Variants in CRACD observed in about 807,000 individuals in gnomAD.
CRACD encodes the protein capping protein-inhibiting regulator of actin dynamics.
Under a neutral mutation model 106.8 loss-of-function variants are expected in CRACD, and 56 were observed. The observed-to-expected ratio is 0.52, with a 90% CI of 0.42 to 0.66. The LOEUF (loss-of-function observed/expected upper bound fraction) is 0.66, where lower values mean the gene tolerates loss of function less well. Ranked by LOEUF, CRACD falls within the 30% of genes least tolerant of loss-of-function variation. The pLI is 0.00. For missense variants in CRACD, 1,730 were observed against 1,623.2 expected, an observed-to-expected ratio of 1.07 and a Z score of -1.13; for synonymous variants, 754 against 670.8, an observed-to-expected ratio of 1.12 and a Z score of -1.92.
intron 1 of CRACD, among the ~76,000 whole-genome samples, chr4:56,159,289 G>A (rs1286955560): frequency 2.0e-5 from 3 of 152,198 alleles, no homozygotes; most frequent in African/African-American, 7.2e-5. Context: ...GCGGGTCTCT[G>A]TAGTCAGCTA....
intron 1 of CRACD, among the ~76,000 whole-genome samples, chr4:56,165,247 A>C (rs1486200726): frequency 6.6e-6 from 1 of 152,188 alleles, no homozygotes; most frequent in African/African-American, 2.4e-5. Flanking sequence ...TAGTGGTTTA[A>C]AGAACATCCA....
chr4:56,192,440 A>C (rs1208145859), intron 2 of CRACD, among the ~76,000 whole-genome samples: 1 of 152,098 alleles, frequency 6.6e-6, no homozygotes, highest in African/African-American at 2.4e-5. Context: ...TTTAACTTTT[A>C]ACAATGTCAT....
At chr4:56,133,339 C>T (rs1734888824) in intron 1 of CRACD, among the ~76,000 whole-genome samples, 1 of 152,154 alleles carries the variant, frequency 6.6e-6, no homozygotes, top group African/African-American at 2.4e-5. Context: ...TTAACATTAT[C>T]TTCAAAGGAA....
chr4:56,190,548 A>AT (rs1337642402), intron 2 of CRACD, among the ~76,000 whole-genome samples: 1 of 152,092 alleles, frequency 6.6e-6, no homozygotes, highest in Non-Finnish European at 1.5e-5. Context: ...GTTAAATAAG[A>AT]TTTTTTCTTG....
intron 2 of CRACD, among the ~76,000 whole-genome samples, chr4:56,258,868 G>T (rs1030786892): frequency 6.6e-6 from 1 of 152,140 alleles, no homozygotes; most frequent in Non-Finnish European, 1.5e-5. Flanking sequence ...AATGGGCAAA[G>T]AATTTTAAGA....
chr4:56,316,102 A>G lies in CRACD; in HGVS notation c.2600A>G (p.Lys867Arg), dbSNP rs1374100113. 6 of 1,614,012 alleles carry G rather than the reference A, an allele frequency of 3.7e-6. No homozygotes were observed. The highest frequency in any genetic ancestry group is 5.1e-6 in the Non-Finnish European group (6 of 1,179,998). The change falls in exon 8 of 11, where the codon AAG (lysine) becomes AGG (arginine). Residue 867 changes from lysine (K) to arginine (R), a missense_variant. This residue lies in a region of CRACD where 1,620 missense variants were observed against 1,481.6 expected (regional missense o/e 1.09). Coordinates refer to ENST00000682029, the MANE Select transcript of CRACD (RefSeq NM_001393381.1). ...AACTGCGACCAACAGGCAGAACAGA[A>G]GAAGAAGAAGAGGCACAGCAGCACC... ...RFNCDQQAEQ[K>R]KKKRHSSTGD...
At chr4:56,116,263 A>G (rs1734272930) in intron 1 of CRACD, among the ~76,000 whole-genome samples, 1 of 152,214 alleles carries the variant, frequency 6.6e-6, no homozygotes, top group South Asian at 2.1e-4. Flanking sequence ...GGGAAAGGGA[A>G]CTTTCCTGAG....
chr4:56,141,992 C>T (rs1331446017), intron 1 of CRACD, among the ~76,000 whole-genome samples: 1 of 151,988 alleles, frequency 6.6e-6, no homozygotes, highest in African/African-American at 2.4e-5. Context: ...CTGCACCCAA[C>T]CGAATTTGCT....
At chr4:56,138,528 C>T (rs34650834) in intron 1 of CRACD, among the ~76,000 whole-genome samples, 3,527 of 152,056 alleles carry the variant, frequency 0.023, 60 homozygotes, top group Admixed American at 0.056. Flanking sequence ...GAGACCAAAT[C>T]TTGGGAGCAA....
intron 1 of CRACD, among the ~76,000 whole-genome samples, chr4:56,134,870 T>G (rs1734945509): frequency 6.6e-6 from 1 of 151,926 alleles, no homozygotes; most frequent in Non-Finnish European, 1.5e-5. Flanking sequence ...GAAGGCTGAT[T>G]GCCTGGAGAG....
chr4:56,313,644 G>T (rs1490801658), intron 7 of CRACD, among the ~76,000 whole-genome samples: 1 of 152,206 alleles, frequency 6.6e-6, no homozygotes, highest in Non-Finnish European at 1.5e-5. Context: ...TGGAAAAGTG[G>T]TTTAGCCAAT....
intron 1 of CRACD, among the ~76,000 whole-genome samples, chr4:56,147,171 T>C (rs1172574332): frequency 6.6e-6 from 1 of 152,110 alleles, no homozygotes; most frequent in East Asian, 1.9e-4. Context: ...TGTTTCAAAA[T>C]TGGCCCCTGG....
intron 1 of CRACD, among the ~76,000 whole-genome samples, chr4:56,122,878 A>G (rs1734536482): frequency 6.6e-6 from 1 of 152,204 alleles, no homozygotes; most frequent in Non-Finnish European, 1.5e-5. Context: ...AAATTGGTTC[A>G]CTAAAGGGCA....
chr4:56,175,747 G>A (rs962531812), intron 1 of CRACD, among the ~76,000 whole-genome samples: 32 of 152,184 alleles, frequency 2.1e-4, no homozygotes, highest in Non-Finnish European at 1.2e-4. Context: ...TTTTCTCTTC[G>A]TTTGTTGTTT....
At chr4:56,105,504 T>C (rs1311263108) in intron 1 of CRACD, among the ~76,000 whole-genome samples, 2 of 152,160 alleles carry the variant, frequency 1.3e-5, no homozygotes, top group African/African-American at 2.4e-5. Flanking sequence ...TATATAGATA[T>C]ACTAATCTGT....
At chr4:56,296,135 T>C (rs1049783860) in intron 3 of CRACD, among the ~76,000 whole-genome samples, 1 of 152,152 alleles carries the variant, frequency 6.6e-6, no homozygotes, top group Admixed American at 6.5e-5. Flanking sequence ...ATGGCAATAC[T>C]ATATGACCTT....
chr4:56,050,203 C>T (rs115618791), intron 1 of CRACD, among the ~76,000 whole-genome samples: 2,190 of 151,210 alleles, frequency 0.014, 57 homozygotes, highest in African/African-American at 0.049. Flanking sequence ...GTAAGTACGA[C>T]CATGTGTTGT....
At chr4:56,308,670 T>C in intron 5 of CRACD, 1 of 757,952 alleles carries the variant, frequency 1.3e-6, no homozygotes, top group Non-Finnish European at 1.6e-6. Context: ...AAAAAGGACA[T>C]TCCTCCCCTG....
intron 1 of CRACD, among the ~76,000 whole-genome samples, chr4:56,139,581 C>T (rs533552533): frequency 6.6e-6 from 1 of 152,282 alleles, no homozygotes; most frequent in African/African-American, 2.4e-5. Flanking sequence ...TGCTCAGTTT[C>T]ATTTGTGTCA....
Sources: gnomAD v4.1 joint callset for allele counts (sites outside exome capture counted in the v4.1 genomes callset) on GRCh38, gnomAD v4.1.1 for gene constraint, gnomAD v4.1.1 regional missense constraint, MANE v1.5 for transcripts, NCBI Gene and HGNC (gene_info 2026-07-23, HGNC 2026-07-21) for gene names.